The following CLEC16A variants were observed in gnomAD, a reference collection of about 807,000 sequenced individuals.
The protein encoded by CLEC16A is C-type lectin domain containing 16A.
In CLEC16A, 51 loss-of-function variants were observed where a neutral mutation model predicts 109.5. The observed-to-expected ratio is 0.47, with a 90% CI of 0.37 to 0.59. The LOEUF is 0.59. CLEC16A is among the 20% of genes least tolerant of loss of function. The pLI, the probability that CLEC16A is intolerant of heterozygous loss-of-function variation, is 0.00. For missense variants in CLEC16A, 1,339 were observed against 1,394.0 expected (o/e 0.96, Z 0.63); for synonymous variants, 673 against 564.2 (o/e 1.19, Z -2.73).
intron 12 of CLEC16A, among the ~76,000 whole-genome samples, chr16:11,021,446 A>G (rs1489723767): frequency 6.6e-6 from 1 of 152,226 alleles, no homozygotes; most frequent in Non-Finnish European, 1.5e-5. Flanking sequence ...AATAATTAGA[A>G]GAGCCCCAAA....
At chr16:11,161,324 C>G (rs2054714324) in intron 22 of CLEC16A, among the ~76,000 whole-genome samples, 1 of 152,174 alleles carries the variant, frequency 6.6e-6, no homozygotes, top group Admixed American at 6.5e-5. Context: ...TTAACCCTAC[C>G]TTATGCAAAG....
chr16:11,157,122 T>A (rs1299118166), intron 22 of CLEC16A: 1 of 1,302,540 alleles, frequency 7.7e-7, no homozygotes. Context: ...TATCCATGGA[T>A]AAAGAGCTAT....
chr16:11,053,446 C>G lies in CLEC16A; in HGVS notation c.1995+1805C>G, dbSNP rs192189367. On this transcript the variant is annotated intron_variant, in intron 18 of 23. Transcript: ENST00000409790. ...GCAGTGGTGCCATCTTGGCTCACTG[C>G]AACACACTCTGCCCCCTGGGGTCAA... 3.0e-3 allele frequency among the ~76,000 whole-genome samples: 451 copies of G among 151,976 alleles called. 5 individuals carry two copies. Among genetic ancestry groups the G allele is most frequent in the African/African-American group, 0.01 (428 of 41,412 alleles).
chr16:10,974,173 C>T (rs2042931986), intron 7 of CLEC16A, among the ~76,000 whole-genome samples: 2 of 151,966 alleles, frequency 1.3e-5, no homozygotes, highest in African/African-American at 4.8e-5. Flanking sequence ...GCTAGGATTA[C>T]AGGTGTGAGC....
intron 1 of CLEC16A, among the ~76,000 whole-genome samples, chr16:10,951,111 G>A (rs919248326): frequency 1.3e-5 from 2 of 152,194 alleles, no homozygotes; most frequent in African/African-American, 4.8e-5. Flanking sequence ...GGCTATTGAG[G>A]CCAGATTTGT....
chr16:11,106,508 G>A (rs1567325852), intron 19 of CLEC16A, among the ~76,000 whole-genome samples: 1 of 147,684 alleles, frequency 6.8e-6, no homozygotes. Flanking sequence ...TCCCAGGCGA[G>A]AATAGCTCTG....
intron 19 of CLEC16A, among the ~76,000 whole-genome samples, chr16:11,103,280 A>G (rs752101668): frequency 6.6e-5 from 10 of 152,158 alleles, no homozygotes; most frequent in Non-Finnish European, 1.3e-4. Flanking sequence ...TTCAAGATCA[A>G]TTTAAAACAT....
chr16:10,972,444 A>C, intron 5 of CLEC16A, 110 bp from the exon 6 acceptor site: 2 of 901,650 alleles, frequency 2.2e-6, no homozygotes, highest in African/African-American at 1.6e-5. Context: ...CTCCCACCCT[A>C]GTCTCTCTCC....
At chr16:11,009,141 G>C (rs898614774) in intron 11 of CLEC16A, among the ~76,000 whole-genome samples, 3 of 152,076 alleles carry the variant, frequency 2.0e-5, no homozygotes, top group African/African-American at 7.2e-5. Context: ...CTGTCTTTAT[G>C]GGTTTGACTG....
chr16:11,138,535 A>G (rs1225546898), intron 22 of CLEC16A, among the ~76,000 whole-genome samples: 3 of 152,130 alleles, frequency 2.0e-5, no homozygotes, highest in Non-Finnish European at 4.4e-5. Flanking sequence ...TGGGAAGGCC[A>G]CAAGACACAT....
chr16:11,025,037 G>C (rs936802674), intron 13 of CLEC16A, 116 bp downstream of exon 13: 7 of 749,168 alleles, frequency 9.3e-6, no homozygotes, highest in Non-Finnish European at 8.9e-6. Flanking sequence ...TTTCCTTTCT[G>C]GTTTTGGTGG....
chr16:11,174,030 G>GC lies in CLEC16A; in HGVS notation c.2807-4301dup, dbSNP rs201233558. On this transcript the variant is annotated intron_variant, in intron 23 of 23. Coordinates refer to ENST00000409790, the MANE Select transcript of CLEC16A (RefSeq NM_015226.3). This position sits in a 1 kb window ranked among gnomAD's most constrained non-coding sequence, Gnocchi z 4.7. ...TGGCCACAAGCCCATGCTGGGCACT[G>GC]CCCCACGACCCTCGCCCCTCGTCAG... The GC allele has an allele frequency of 3.3e-3, 1,247 of 373,400 alleles. 21 individuals carry two copies. Among genetic ancestry groups the GC allele is most frequent in the African/African-American group, 0.024 (1,144 of 47,630 alleles). 23.1% of individuals were successfully genotyped at this position (373,400 alleles called of 1,614,324 possible). A position where few individuals can be genotyped will look rare whatever the true frequency, so the allele number is the denominator to read the frequency against.
chr16:10,964,690 G>A (rs1013768652), intron 3 of CLEC16A, among the ~76,000 whole-genome samples: 2 of 152,198 alleles, frequency 1.3e-5, no homozygotes, highest in Admixed American at 6.5e-5. Context: ...TGGGGGTGGG[G>A]CGATCAAAAC....
intron 7 of CLEC16A, among the ~76,000 whole-genome samples, chr16:10,975,434 T>C (rs981113369): frequency 2.6e-5 from 4 of 152,338 alleles, no homozygotes; most frequent in Admixed American, 2.6e-4. Flanking sequence ...GCTGCATATA[T>C]TACTTTGATA....
intron 22 of CLEC16A, among the ~76,000 whole-genome samples, chr16:11,149,173 A>G (rs952411029): frequency 2.0e-5 from 3 of 152,142 alleles, no homozygotes; most frequent in Non-Finnish European, 2.9e-5. Context: ...AGCACAAGTC[A>G]CCAGTGGTGG....
chr16:11,008,335 A>G (rs564040511), intron 11 of CLEC16A, among the ~76,000 whole-genome samples: 1 of 152,340 alleles, frequency 6.6e-6, no homozygotes, highest in South Asian at 2.1e-4. Context: ...CATGCCTGCC[A>G]TTTCCCTGAA....
intron 22 of CLEC16A, among the ~76,000 whole-genome samples, chr16:11,161,946 T>C (rs1200816405): frequency 1.3e-5 from 2 of 152,044 alleles, no homozygotes; most frequent in African/African-American, 4.8e-5. Context: ...TGATTATTGG[T>C]GGGGAAAGCT....
chr16:11,100,965 C>T (rs991540466), intron 19 of CLEC16A, among the ~76,000 whole-genome samples: 3 of 152,138 alleles, frequency 2.0e-5, no homozygotes, highest in Admixed American at 6.5e-5. Context: ...ACTGTGGCTG[C>T]GTGAGGGCCA....
In CLEC16A at chr16:11,077,643, C is replaced by T. The variant is rs529503409; in HGVS notation, c.2116+16621C>T. 2.0e-5 allele frequency among the ~76,000 whole-genome samples: 3 copies of T among 152,018 alleles called. No individual in the cohort carries two copies. In the East Asian group the frequency reaches 5.8e-4, roughly 29 times the overall value. The stretch of plus-strand genomic sequence containing the variant: ...CACTGCACTTCAGCCTAGGGGACAA[C>T]GTGAGACCCTGTCAAAAACAAAAAG... On this transcript the variant is annotated intron_variant, in intron 19 of 23. Transcript: ENST00000409790.
Sources: gnomAD v4.1 joint callset for allele counts (sites outside exome capture counted in the v4.1 genomes callset) on GRCh38, gnomAD v4.1.1 for gene constraint, Gnocchi (gnomAD v3.1) non-coding constraint, MANE v1.5 for transcripts, NCBI Gene and HGNC (gene_info 2026-07-23, HGNC 2026-07-21) for gene names.